STK3: variants seen among roughly 807,000 people sequenced by gnomAD.
The protein encoded by STK3 is serine/threonine kinase 3, also known as serine/threonine-protein kinase 3.
In STK3, 41 loss-of-function variants were observed where a neutral mutation model predicts 58.0. That is an observed-to-expected ratio of 0.71 (90% CI 0.55 to 0.92). STK3 has a LOEUF of 0.92. Among genes scored for constraint, STK3 ranks in the 40% least tolerant of loss-of-function variants. The pLI is 0.00. For synonymous variants in STK3, 170 were observed against 191.0 expected, an observed-to-expected ratio of 0.89 and a Z score of 0.91; for missense variants, 479 against 602.7, an observed-to-expected ratio of 0.79 and a Z score of 2.15.
At chr8:98,782,637 C>T (rs1305274875) in intron 1 of STK3, 1 of 217,816 alleles carries the variant, frequency 4.6e-6, no homozygotes, top group African/African-American at 2.4e-5. Flanking sequence ...TAAAGCTCCC[C>T]TTCTCTTGTC....
chr8:98,475,412 C>T (rs1407841121), intron 10 of STK3, among the ~76,000 whole-genome samples: 1 of 152,156 alleles, frequency 6.6e-6, no homozygotes, highest in African/African-American at 2.4e-5. Flanking sequence ...CTTCAAAAGC[C>T]TTTAATTCTC....
At chr8:98,492,566 G>T (rs181997340) in intron 10 of STK3, among the ~76,000 whole-genome samples, 1 of 152,134 alleles carries the variant, frequency 6.6e-6, no homozygotes, top group Admixed American at 6.5e-5. Flanking sequence ...CATTCAGTGT[G>T]GTAAAGAAGT....
intron 6 of STK3, among the ~76,000 whole-genome samples, chr8:98,663,161 T>C (rs193135784): frequency 6.6e-6 from 1 of 152,040 alleles, no homozygotes; most frequent in Admixed American, 6.6e-5. Context: ...GAATCTACAA[T>C]GAACTCAAAT....
rs182991068 is a variant in STK3 at position 98,732,290 on chromosome 8, A to G, written c.351+16986T>C. 4.6e-5 allele frequency among the ~76,000 whole-genome samples: 7 copies of G among 152,312 alleles called. No individual in the cohort carries two copies. In the East Asian group the frequency reaches 1.3e-3, roughly 29 times the overall value. ...AAGGAACTACTGAATGCTGAGCATA[A>G]CTAATAAAATGGACTCACATCTAGG... On this transcript the variant is annotated intron_variant, in intron 4 of 10. Coordinates refer to ENST00000419617, the MANE Select transcript of STK3 (RefSeq NM_006281.4).
At chr8:98,485,873 T>A (rs559414357) in intron 10 of STK3, among the ~76,000 whole-genome samples, 1 of 152,118 alleles carries the variant, frequency 6.6e-6, no homozygotes, top group African/African-American at 2.4e-5. Context: ...TAGGGGGCCA[T>A]GAAAGTCTCA....
At chr8:98,595,976 C>G in intron 7 of STK3, 56 bp downstream of exon 7, 2 of 1,564,398 alleles carry the variant, frequency 1.3e-6, no homozygotes, top group South Asian at 2.4e-5. Context: ...TGGCCAATGT[C>G]AGAAAGCTGA....
chr8:98,407,385 G>C lies in STK3; in HGVS notation n.484-5872C>G, dbSNP rs952339832. On this transcript the variant is annotated intron_variant and non_coding_transcript_variant, in intron 3 of 3. Coordinates refer to the STK3 transcript ENST00000517832. ...ATTCCTACGTCCTTCACCAACCTGC[G>C]AGCAAAGGGAGCACTGGACAGGGAG... 6.6e-5 allele frequency among the ~76,000 whole-genome samples: 10 copies of C among 152,274 alleles called. No individual in the cohort carries two copies. The South Asian group carries it at 1.0e-3, about 16-fold the overall frequency.
intron 9 of STK3, among the ~76,000 whole-genome samples, chr8:98,535,948 A>G (rs1809722740): frequency 6.6e-6 from 1 of 152,192 alleles, no homozygotes; most frequent in Admixed American, 6.6e-5. Context: ...TTCTGCAATG[A>G]GTCAGAGAAG....
upstream of STK3, among the ~76,000 whole-genome samples, chr8:98,392,396 C>T (rs1173680470): frequency 6.6e-6 from 1 of 152,222 alleles, no homozygotes. Context: ...GCATGAGGCT[C>T]CTCATCAGAA....
At chr8:98,700,295 A>ACTCC (rs1311903171) in intron 6 of STK3, among the ~76,000 whole-genome samples, 1 of 152,018 alleles carries the variant, frequency 6.6e-6, no homozygotes, top group Admixed American at 6.6e-5. Context: ...AGGAAAGGGA[A>ACTCC]CTCCCTGACC....
At chr8:98,689,065 C>T (rs1824211228) in intron 6 of STK3, among the ~76,000 whole-genome samples, 1 of 152,026 alleles carries the variant, frequency 6.6e-6, no homozygotes, top group Non-Finnish European at 1.5e-5. Flanking sequence ...TCAGAAATAA[C>T]AAAGGTGACA....
At chr8:98,429,824 C>T (rs981142605) in intron 3 of STK3, 34 of 179,430 alleles carry the variant, frequency 1.9e-4, no homozygotes, top group Non-Finnish European at 1.3e-5. Flanking sequence ...ACAAGTCGTC[C>T]AGTAGAAATG....
At chr8:98,880,320 G>A (rs1183252297), downstream of STK3, 1 of 152,080 alleles carries the variant, frequency 6.6e-6, no homozygotes, top group Non-Finnish European at 1.5e-5. Context: ...AAAAAAGTAA[G>A]AAATGTGCAT....
At chr8:98,548,206 C>A (rs776690912) in intron 8 of STK3, 45 bp from the exon 9 acceptor site, 67 of 1,360,590 alleles carry the variant, frequency 4.9e-5, no homozygotes, top group Non-Finnish European at 6.0e-5. Flanking sequence ...TCTATGACAG[C>A]TGGATTTCTT....
intron 8 of STK3, chr8:98,553,322 C>T (rs1811332416): frequency 1.3e-5 from 2 of 152,150 alleles, no homozygotes; most frequent in Non-Finnish European, 2.9e-5. Flanking sequence ...TGTCTATTCA[C>T]TTACCTTGTC....
downstream of STK3, among the ~76,000 whole-genome samples, chr8:98,399,024 G>C (rs771507843): frequency 6.6e-6 from 1 of 152,156 alleles, no homozygotes; most frequent in Non-Finnish European, 1.5e-5. Flanking sequence ...GGCTACAGAC[G>C]TTCACTGCAT....
chr8:98,843,150 A>G (rs1006918237), intron 3 of STK3, among the ~76,000 whole-genome samples: 2 of 152,040 alleles, frequency 1.3e-5, no homozygotes, highest in Non-Finnish European at 2.9e-5. Context: ...GACATTTTAC[A>G]TCACAGAGAA....
rs541187408 is a variant in STK3, at chr8:98,704,119, A to C, written c.684+2348T>G. On this transcript the variant is annotated intron_variant, in intron 6 of 10. Transcript: ENST00000419617. The stretch of plus-strand genomic sequence containing the variant: ...AACTACAAGGCTCTTTTCAAAGAAC[A>C]TCATTTTTACTTGAAGAATAACTAA... Among the ~76,000 whole-genome samples the C allele has an allele frequency of 2.0e-5, 3 of 152,334 alleles. No homozygotes were observed. The South Asian group carries it at 6.2e-4, about 32-fold the overall frequency.
chr8:98,918,999 G>A (rs1839448673), intron 1 of STK3, among the ~76,000 whole-genome samples: 1 of 151,762 alleles, frequency 6.6e-6, no homozygotes, highest in African/African-American at 2.4e-5. Context: ...TAAGGGAGAT[G>A]GGCTCAAAAC....
Sources: allele counts gnomAD v4.1 joint callset (sites outside exome capture counted in the v4.1 genomes callset), GRCh38; gene constraint gnomAD v4.1.1; transcripts MANE v1.5; gene names NCBI Gene and HGNC (gene_info 2026-07-23, HGNC 2026-07-21).